Variants in SGMS2 observed in about 807,000 individuals in gnomAD.
SGMS2 encodes phosphatidylcholine:ceramide cholinephosphotransferase 2.
Under a neutral mutation model 43.8 loss-of-function variants are expected in SGMS2, and 21 were observed. The observed-to-expected ratio is 0.48, with a 90% CI of 0.34 to 0.69. The LOEUF (loss-of-function observed/expected upper bound fraction) is 0.69. SGMS2 is among the 30% of genes least tolerant of loss of function. SGMS2 has a pLI of 0.01. For missense variants in SGMS2, 384 were observed against 443.2 expected (o/e 0.87, Z 1.20); for synonymous variants, 167 against 160.6 (o/e 1.04, Z -0.30).
At chr4:107,850,323 C>T (rs1727066352) in intron 1 of SGMS2, among the ~76,000 whole-genome samples, 1 of 152,128 alleles carries the variant, frequency 6.6e-6, no homozygotes, top group South Asian at 2.1e-4. Context: ...TATAGCAGTG[C>T]AAGAATGGTC....
At chr4:107,906,263 G>A (rs1399191750) in intron 5 of SGMS2, among the ~76,000 whole-genome samples, 1 of 152,112 alleles carries the variant, frequency 6.6e-6, no homozygotes, top group African/African-American at 2.4e-5. Flanking sequence ...GTTGTCATGA[G>A]TAGATTTAAA....
rs527280525 is a variant in SGMS2, at chr4:107,914,698, T to A, written c.*4145T>A. ...AATCAAATATGTAAATTTCAGAAGCTCTTTTTTCCTACCCACCAGTACCTT... is the reference window on the plus strand; with the variant it reads ...AATCAAATATGTAAATTTCAGAAGCACTTTTTTCCTACCCACCAGTACCTT... On this transcript the variant is annotated 3_prime_UTR_variant, in exon 7 of 7. Coordinates refer to ENST00000690982, the MANE Select transcript of SGMS2 (RefSeq NM_001375905.1). 1 of 152,292 alleles carries A rather than the reference T, an allele frequency of 6.6e-6. No individual in the cohort carries two copies. Among genetic ancestry groups the A allele is most frequent in the Non-Finnish European group, 1.5e-5 (1 of 67,982 alleles). The allele number at this position is 152,292 out of a possible 1,614,324, so 9.4% of individuals were successfully genotyped here. A position where few individuals can be genotyped will look rare whatever the true frequency, so the allele number is the denominator to read the frequency against.
chr4:107,874,835 G>T (rs187348151), intron 2 of SGMS2, among the ~76,000 whole-genome samples: 1 of 151,822 alleles, frequency 6.6e-6, no homozygotes, highest in Non-Finnish European at 1.5e-5. Flanking sequence ...TATTCTCTTC[G>T]TGTCTCTACC....
intron 2 of SGMS2, among the ~76,000 whole-genome samples, chr4:107,886,404 A>G (rs1237169759): frequency 7.8e-6 from 1 of 127,636 alleles, no homozygotes; most frequent in East Asian, 2.3e-4. Context: ...TGGTAAACGC[A>G]GGGTTTCGCC....
At chr4:107,844,749 T>G (rs962507661) in intron 1 of SGMS2, among the ~76,000 whole-genome samples, 4 of 152,108 alleles carry the variant, frequency 2.6e-5, no homozygotes, top group Admixed American at 2.6e-4. Flanking sequence ...TTTTAGATTC[T>G]AAAATGAACC....
intron 2 of SGMS2, among the ~76,000 whole-genome samples, chr4:107,868,255 T>C (rs1728277592): frequency 6.6e-6 from 1 of 152,206 alleles, no homozygotes; most frequent in Non-Finnish European, 1.5e-5. Context: ...TAAGGAAAGC[T>C]ACACAAAGTG....
In SGMS2 at chr4:107,902,582, T is replaced by C. The variant is rs1044193897; in HGVS notation, c.574-651T>C. Among the ~76,000 whole-genome samples the C allele has an allele frequency of 2.0e-4, 30 of 152,174 alleles. 1 individual carries two copies. The highest frequency in any genetic ancestry group is 1.3e-4 in the Admixed American group (2 of 15,274). Reference sequence around the variant, plus strand: ...GTGGCTTTGCAGGGCTGCTGCACCTTGTCCAGAGGAGCTCTCCCAGCCTCC... The same window carrying C: ...GTGGCTTTGCAGGGCTGCTGCACCTCGTCCAGAGGAGCTCTCCCAGCCTCC... On this transcript the variant is annotated intron_variant, in intron 4 of 6. Coordinates refer to ENST00000690982, the MANE Select transcript of SGMS2 (RefSeq NM_001375905.1).
At chr4:107,891,817 C>CCCACA (rs1165361776) in intron 2 of SGMS2, among the ~76,000 whole-genome samples, 1 of 152,026 alleles carries the variant, frequency 6.6e-6, no homozygotes, top group Admixed American at 6.6e-5. Context: ...ATCTTCCTGG[C>CCCACA]CCACACCATG....
chr4:107,828,857 G>A (rs1249222025), intron 1 of SGMS2, among the ~76,000 whole-genome samples: 1 of 152,224 alleles, frequency 6.6e-6, no homozygotes, highest in Non-Finnish European at 1.5e-5. Flanking sequence ...GAGTCGCACA[G>A]TGGAGCAGTA....
At chr4:107,903,863 C>G (rs1731334772) in intron 5 of SGMS2, among the ~76,000 whole-genome samples, 1 of 152,192 alleles carries the variant, frequency 6.6e-6, no homozygotes, top group Admixed American at 6.5e-5. Context: ...CCAAGTCCCA[C>G]TTTATTCTAA....
chr4:107,899,469 A>C (rs1730940051), intron 3 of SGMS2, 106 bp from the exon 4 acceptor site: 1 of 783,830 alleles, frequency 1.3e-6, no homozygotes, highest in South Asian at 1.8e-5. Flanking sequence ...TGTTAATGCC[A>C]TTCTGTACTG....
rs1458910847 is a variant in SGMS2, at chr4:107,841,430, T to C, written c.-327+16177T>C. On this transcript the variant is annotated intron_variant, in intron 1 of 6. Transcript: ENST00000690982. ...CCTTTGGAAGACTACAGACCTTTTTTTTTTTCAATATGCTTTTCAAGCACC... is the reference window on the plus strand; with the variant it reads ...CCTTTGGAAGACTACAGACCTTTTTCTTTTTCAATATGCTTTTCAAGCACC... Among the ~76,000 whole-genome samples the C allele has an allele frequency of 3.3e-5, 5 of 152,268 alleles. No homozygotes were observed. The East Asian group carries it at 7.7e-4, about 24-fold the overall frequency.
intron 2 of SGMS2, among the ~76,000 whole-genome samples, chr4:107,865,760 T>A (rs568067404): frequency 5.9e-5 from 9 of 152,324 alleles, no homozygotes; most frequent in African/African-American, 1.9e-4. Context: ...GAGCTCTTCA[T>A]TAAGATCTTA....
intron 2 of SGMS2, among the ~76,000 whole-genome samples, chr4:107,874,905 T>C (rs1179330132): frequency 2.0e-5 from 3 of 152,122 alleles, no homozygotes; most frequent in African/African-American, 7.2e-5. Flanking sequence ...AGAGCCAAAT[T>C]TGAAGAACAT....
chr4:107,844,887 C>G (rs1179396879), intron 1 of SGMS2, among the ~76,000 whole-genome samples: 3 of 152,106 alleles, frequency 2.0e-5, no homozygotes, highest in East Asian at 3.9e-4. Flanking sequence ...ATTGATGTAG[C>G]CTTTGATCTG....
chr4:107,869,944 G>A lies in SGMS2; in HGVS notation c.-245+11391G>A, dbSNP rs112886488. Reference sequence around the variant, plus strand: ...GTCAGTAAAGCAGGAAATAGATTAGGAACAAAACCAGAGAGGAAGGGAGTG... The same window carrying A: ...GTCAGTAAAGCAGGAAATAGATTAGAAACAAAACCAGAGAGGAAGGGAGTG... On this transcript the variant is annotated intron_variant, in intron 2 of 6. Coordinates refer to ENST00000690982, the MANE Select transcript of SGMS2 (RefSeq NM_001375905.1). Among the ~76,000 whole-genome samples, 815 of 152,198 alleles carry A rather than the reference G, an allele frequency of 5.4e-3. 3 individuals are homozygous for A. The highest frequency in any genetic ancestry group is 9.3e-3 in the Non-Finnish European group (632 of 68,000).
At chr4:107,836,903 A>G (rs534974433) in intron 1 of SGMS2, among the ~76,000 whole-genome samples, 1 of 152,226 alleles carries the variant, frequency 6.6e-6, no homozygotes, top group Non-Finnish European at 1.5e-5. Context: ...TCTCTGGGGG[A>G]AAAATAACTC....
chr4:107,853,265 A>C (rs1342941548), intron 1 of SGMS2, among the ~76,000 whole-genome samples: 2 of 152,210 alleles, frequency 1.3e-5, no homozygotes, highest in African/African-American at 4.8e-5. Flanking sequence ...GGGCTTAAAA[A>C]AAAAGTCCTG....
chr4:107,900,486 A>G (rs1731029818), intron 4 of SGMS2, among the ~76,000 whole-genome samples: 1 of 152,202 alleles, frequency 6.6e-6, no homozygotes, highest in Non-Finnish European at 1.5e-5. Flanking sequence ...TATGGGTTTG[A>G]CAGAAAGAAG....
Sources: allele counts gnomAD v4.1 joint callset (sites outside exome capture counted in the v4.1 genomes callset), GRCh38; gene constraint gnomAD v4.1.1; transcripts MANE v1.5; gene names NCBI Gene and HGNC (gene_info 2026-07-23, HGNC 2026-07-21).